The following NCALD variants were observed in gnomAD, a reference collection of about 807,000 sequenced individuals.
NCALD encodes neurocalcin delta, also known as neurocalcin-delta.
NCALD carries 10 observed loss-of-function variants against 18.6 expected under a neutral mutation model. The ratio of observed to expected loss-of-function variants is 0.54; its 90% CI spans 0.33 to 0.91. The LOEUF (loss-of-function observed/expected upper bound fraction) is 0.91, where lower values mean the gene tolerates loss of function less well. NCALD is among the 40% of genes least tolerant of loss of function. NCALD has a pLI of 0.03. For missense variants in NCALD, 184 were observed against 247.6 expected, an observed-to-expected ratio of 0.74 and a Z score of 1.72; for synonymous variants, 88 against 87.4, an observed-to-expected ratio of 1.01 and a Z score of -0.04.
intron 4 of NCALD, among the ~76,000 whole-genome samples, chr8:101,835,817 C>T (rs1450305345): frequency 6.6e-6 from 1 of 152,050 alleles, no homozygotes; most frequent in African/African-American, 2.4e-5. Context: ...TCTACACCAC[C>T]AAGGGGAGCA....
chr8:101,912,271 A>C (rs1324575686), intron 3 of NCALD, among the ~76,000 whole-genome samples: 1 of 152,190 alleles, frequency 6.6e-6, no homozygotes, highest in Non-Finnish European at 1.5e-5. Flanking sequence ...ACTAAGCCTG[A>C]AAAATGAAAA....
chr8:102,087,735 A>G (rs1824786228), intron 1 of NCALD, among the ~76,000 whole-genome samples: 1 of 152,270 alleles, frequency 6.6e-6, no homozygotes, highest in East Asian at 1.9e-4. Context: ...ACCATGGGAC[A>G]TGAGTTTTTT....
intron 3 of NCALD, among the ~76,000 whole-genome samples, chr8:101,911,289 A>AG (rs536566473): frequency 6.8e-6 from 1 of 148,144 alleles, no homozygotes; most frequent in East Asian, 2.0e-4. Context: ...AAAGAGGAGA[A>AG]GGGGGGAGAA....
chr8:101,808,322 G>A (rs990139401), intron 4 of NCALD, among the ~76,000 whole-genome samples: 8 of 152,100 alleles, frequency 5.3e-5, no homozygotes, highest in African/African-American at 1.9e-4. Context: ...CTGTTAGAAG[G>A]TTCCTTATGA....
rs554954050 is a variant in NCALD, at chr8:101,956,592, G to C, written c.-156-40734C>G. On this transcript the variant is annotated intron_variant, in intron 2 of 6. Coordinates refer to the NCALD transcript ENST00000311028. ...GAGAGAGAAAGAGGGATAGGGAGAG[G>C]GAGGTGGAGAGAGAGAGAGACAGAC... Among the ~76,000 whole-genome samples the C allele has an allele frequency of 3.3e-5, 5 of 152,038 alleles. No individual in the cohort carries two copies. In the South Asian group the frequency reaches 1.0e-3, roughly 32 times the overall value.
At chr8:101,714,172 T>C (rs1265283877) in intron 2 of NCALD, among the ~76,000 whole-genome samples, 1 of 152,196 alleles carries the variant, frequency 6.6e-6, no homozygotes, top group Non-Finnish European at 1.5e-5. Context: ...AAATAAAGCG[T>C]ATTCAAATAA....
At chr8:102,013,857 A>G (rs1821990269) in intron 2 of NCALD, among the ~76,000 whole-genome samples, 2 of 152,196 alleles carry the variant, frequency 1.3e-5, no homozygotes, top group Non-Finnish European at 2.9e-5. Flanking sequence ...GAATTTGGAT[A>G]AATGTAAAAT....
chr8:101,958,938 T>C (rs1819737159), intron 2 of NCALD, among the ~76,000 whole-genome samples: 1 of 152,214 alleles, frequency 6.6e-6, no homozygotes, highest in Non-Finnish European at 1.5e-5. Flanking sequence ...AAGTTGCTGG[T>C]ATTTTTCCTT....
intron 1 of NCALD, among the ~76,000 whole-genome samples, chr8:102,042,294 A>G (rs1456347008): frequency 6.6e-6 from 1 of 151,980 alleles, no homozygotes; most frequent in Non-Finnish European, 1.5e-5. Flanking sequence ...ACAAAAGAAT[A>G]TGTGAGAAGG....
intron 2 of NCALD, among the ~76,000 whole-genome samples, chr8:102,004,727 A>G (rs990139404): frequency 4.6e-5 from 7 of 152,116 alleles, no homozygotes; most frequent in Non-Finnish European, 7.3e-5. Context: ...ATAATGCCAC[A>G]TATCTACAAC....
At chr8:101,893,336 C>T (rs1175185062) in intron 3 of NCALD, among the ~76,000 whole-genome samples, 3 of 150,646 alleles carry the variant, frequency 2.0e-5, no homozygotes, top group African/African-American at 7.5e-5. Flanking sequence ...CACCACCAGG[C>T]CTGACCTAAA....
intron 2 of NCALD, among the ~76,000 whole-genome samples, chr8:101,991,038 A>G (rs558593422): frequency 4.6e-5 from 7 of 152,150 alleles, no homozygotes; most frequent in Non-Finnish European, 1.0e-4. Flanking sequence ...CTAGGCTCTA[A>G]TTTGGTTCTG....
At chr8:102,008,474 T>TAAAAAAAAAAAA (rs34867950) in intron 2 of NCALD, among the ~76,000 whole-genome samples, 1 of 133,364 alleles carries the variant, frequency 7.5e-6, no homozygotes, top group Non-Finnish European at 1.6e-5. Flanking sequence ...TAAAGGCAGT[T>TAAAAAAAAAAAA]AAAAAAAAAA....
intron 2 of NCALD, among the ~76,000 whole-genome samples, chr8:102,004,482 C>A (rs1219392882): frequency 1.3e-5 from 2 of 152,132 alleles, no homozygotes; most frequent in Non-Finnish European, 2.9e-5. Flanking sequence ...TCAGTGCCAT[C>A]CCCATCAAGC....
chr8:102,023,186 G>C (rs1158794892), intron 1 of NCALD, among the ~76,000 whole-genome samples: 1 of 152,216 alleles, frequency 6.6e-6, no homozygotes, highest in Non-Finnish European at 1.5e-5. Flanking sequence ...ACAGTTTCTA[G>C]CATCTGTTCT....
chr8:101,816,466 G>GC (rs1271910197), intron 4 of NCALD, among the ~76,000 whole-genome samples: 2 of 152,192 alleles, frequency 1.3e-5, no homozygotes, highest in East Asian at 1.9e-4. Flanking sequence ...CTTTTGCTGT[G>GC]CCCCCCGCCA....
chr8:102,102,899 G>C (rs765832507), intron 1 of NCALD, among the ~76,000 whole-genome samples: 5 of 152,152 alleles, frequency 3.3e-5, no homozygotes, highest in Non-Finnish European at 5.9e-5. Context: ...CTCTGCACAT[G>C]CAGGAATTTG....
chr8:101,984,028 T>C (rs1820717770), intron 2 of NCALD, among the ~76,000 whole-genome samples: 1 of 152,238 alleles, frequency 6.6e-6, no homozygotes, highest in African/African-American at 2.4e-5. Flanking sequence ...ATGCTATGTT[T>C]CCTGCCTGGA....
chr8:101,689,071 A>T lies in NCALD; in HGVS notation c.*238T>A, dbSNP rs544203696. 1 of 702,806 alleles carries T rather than the reference A, an allele frequency of 1.4e-6. No individual in the cohort carries two copies. Among genetic ancestry groups the T allele is most frequent in the East Asian group, 2.7e-5 (1 of 37,290 alleles). The allele number at this position is 702,806 out of a possible 1,614,324, so 43.5% of individuals were successfully genotyped here. ...ATAATAGTAACGATTAAAAATCATC[A>T]AACAATGAACACCACGAAGTCTGTC... On this transcript the variant is annotated 3_prime_UTR_variant, in exon 4 of 4. Transcript: ENST00000220931. The surrounding 1 kb of genome is among the most constrained non-coding windows in gnomAD (Gnocchi z 4.4).
Sources: gnomAD v4.1 joint callset for allele counts (sites outside exome capture counted in the v4.1 genomes callset) on GRCh38, gnomAD v4.1.1 for gene constraint, Gnocchi (gnomAD v3.1) non-coding constraint, MANE v1.5 for transcripts, NCBI Gene and HGNC (gene_info 2026-07-23, HGNC 2026-07-21) for gene names.